Variants in ANTXR1 observed in about 807,000 individuals in gnomAD.
ANTXR1 encodes the protein anthrax toxin receptor 1.
ANTXR1 carries 19 observed loss-of-function variants against 78.1 expected under a neutral mutation model. The observed-to-expected ratio is 0.24, with a 90% confidence interval of 0.17 to 0.36. The LOEUF (loss-of-function observed/expected upper bound fraction) is 0.36, where lower values mean the gene tolerates loss of function less well. ANTXR1 is among the 10% of genes least tolerant of loss of function. The pLI is 1.00. For missense variants in ANTXR1, 518 were observed against 718.6 expected (o/e 0.72, Z 3.19); for synonymous variants, 273 against 260.5 (o/e 1.05, Z -0.46).
chr2:69,186,438 T>C (rs2104468044), intron 16 of ANTXR1, among the ~76,000 whole-genome samples: 1 of 152,348 alleles, frequency 6.6e-6, no homozygotes. Flanking sequence ...ACATTTAGCC[T>C]TATGTGGTAC....
At chr2:69,103,938 ATT>A (rs72060440) in intron 10 of ANTXR1, among the ~76,000 whole-genome samples, 17 of 133,840 alleles carry the variant, frequency 1.3e-4, no homozygotes, top group Admixed American at 3.0e-4. Context: ...CTGATAGCCT[ATT>A]TTTTTTTTTT....
At chr2:69,160,087 C>A (rs1193477232) in intron 13 of ANTXR1, among the ~76,000 whole-genome samples, 4 of 152,194 alleles carry the variant, frequency 2.6e-5, no homozygotes, top group Non-Finnish European at 4.4e-5. Flanking sequence ...ACTGATTGTG[C>A]CTTCTTGATC....
At chr2:69,112,162 G>T (rs1445077274) in intron 10 of ANTXR1, among the ~76,000 whole-genome samples, 2 of 152,168 alleles carry the variant, frequency 1.3e-5, no homozygotes, top group African/African-American at 4.8e-5. Flanking sequence ...TCCGCCAAGT[G>T]ATAGCAGCTA....
At chr2:69,203,967 T>C (rs1674835018) in intron 17 of ANTXR1, among the ~76,000 whole-genome samples, 1 of 152,170 alleles carries the variant, frequency 6.6e-6, no homozygotes, top group African/African-American at 2.4e-5. Flanking sequence ...TCCGACCTCA[T>C]TTTTTCCCTT....
chr2:69,154,835 C>T (rs2104433431), intron 13 of ANTXR1, among the ~76,000 whole-genome samples: 1 of 152,302 alleles, frequency 6.6e-6, no homozygotes, highest in Non-Finnish European at 1.5e-5. Flanking sequence ...GGCCCCCACC[C>T]CCGCTGAGCC....
intron 12 of ANTXR1, among the ~76,000 whole-genome samples, chr2:69,139,647 A>G (rs777265272): frequency 1.3e-4 from 20 of 152,160 alleles, no homozygotes; most frequent in Non-Finnish European, 2.4e-4. Context: ...TAGAGCATCT[A>G]TCTTTTTGAG....
intron 1 of ANTXR1, among the ~76,000 whole-genome samples, chr2:69,020,773 G>T (rs545812328): frequency 1.8e-4 from 28 of 152,308 alleles, no homozygotes; most frequent in African/African-American, 6.7e-4. Context: ...TTTCAGACAC[G>T]TCAGGTTCAT....
chr2:69,209,289 A>G (rs1674982703), intron 17 of ANTXR1, among the ~76,000 whole-genome samples: 1 of 152,224 alleles, frequency 6.6e-6, no homozygotes, highest in African/African-American at 2.4e-5. Flanking sequence ...TTCATGTTTG[A>G]CGAGAGCCAT....
At position 69,090,850 on chromosome 2, in the gene ANTXR1, T is replaced by G. The variant is rs1167375700; in HGVS notation, c.643-9T>G. 36 of 1,612,786 alleles carry G rather than the reference T, an allele frequency of 2.2e-5. No individual in the cohort carries two copies. Among genetic ancestry groups the G allele is most frequent in the Non-Finnish European group, 3.0e-5 (35 of 1,179,928 alleles). On this transcript the variant is annotated splice_polypyrimidine_tract_variant and intron_variant, in intron 8 of 17. Coordinates refer to ENST00000303714, the MANE Select transcript of ANTXR1 (RefSeq NM_032208.3). The stretch of plus-strand genomic sequence containing the variant: ...TGTGCATTGACTCTTTTATTTCCGC[T>G]CCTCCTAGATTTTGAAGAAGTCCTG...
At chr2:69,061,696 G>A (rs1211048733) in intron 3 of ANTXR1, among the ~76,000 whole-genome samples, 1 of 152,172 alleles carries the variant, frequency 6.6e-6, no homozygotes, top group Non-Finnish European at 1.5e-5. Flanking sequence ...GTCATATAGA[G>A]AGATGTGAAT....
intron 12 of ANTXR1, among the ~76,000 whole-genome samples, chr2:69,151,588 C>G (rs1016786754): frequency 2.6e-5 from 4 of 152,200 alleles, no homozygotes; most frequent in Non-Finnish European, 5.9e-5. Flanking sequence ...CATGTAGCCA[C>G]TTGATCTGAC....
At chr2:69,039,090 C>A (rs1008868758) in intron 1 of ANTXR1, among the ~76,000 whole-genome samples, 4 of 152,082 alleles carry the variant, frequency 2.6e-5, no homozygotes, top group African/African-American at 4.8e-5. Flanking sequence ...GTAGAAAGAG[C>A]AAACTCTAAC....
intron 12 of ANTXR1, among the ~76,000 whole-genome samples, chr2:69,151,186 C>CTTTTTTTTTTTT (rs59147668): frequency 1.5e-3 from 124 of 82,564 alleles, no homozygotes; most frequent in Non-Finnish European, 1.6e-3. Context: ...TGATTATTTT[C>CTTTTTTTTTTTT]TTTTTTTTTT....
chr2:69,199,066 A>G (rs938866111), intron 17 of ANTXR1, among the ~76,000 whole-genome samples: 1 of 152,256 alleles, frequency 6.6e-6, no homozygotes, highest in Non-Finnish European at 1.5e-5. Context: ...CTAATGCTCC[A>G]GGTAACTAAT....
intron 12 of ANTXR1, among the ~76,000 whole-genome samples, chr2:69,134,595 C>T (rs1337217043): frequency 2.6e-5 from 4 of 152,268 alleles, no homozygotes; most frequent in Middle Eastern, 3.4e-3. Context: ...GAGGCTGTGA[C>T]TGTAGACCTA....
intron 17 of ANTXR1, among the ~76,000 whole-genome samples, chr2:69,197,130 C>T (rs893201338): frequency 1.3e-5 from 2 of 152,222 alleles, no homozygotes; most frequent in Non-Finnish European, 2.9e-5. Flanking sequence ...CTCATGGTCC[C>T]ATTGTTCCTT....
At position 69,172,570 on chromosome 2, in the gene ANTXR1, G is replaced by T. The variant is rs776659436; in HGVS notation, c.1089+2281G>T. ...TATATGAAATCAAACACTCTCTGCC[G>T]TATATATGAAGACCTTCAGTATTAT... On this transcript the variant is annotated intron_variant, in intron 14 of 17. Transcript: ENST00000303714. The T allele has an allele frequency of 6.7e-6, 9 of 1,336,776 alleles. No individual in the cohort carries two copies. In the South Asian group the frequency reaches 1.9e-4, roughly 28 times the overall value. The allele number at this position is 1,336,776 out of a possible 1,614,324, so 82.8% of individuals were successfully genotyped here. A position where few individuals can be genotyped will look rare whatever the true frequency, so the allele number is the denominator to read the frequency against.
At chr2:69,129,882 T>C (rs1672677310) in intron 12 of ANTXR1, among the ~76,000 whole-genome samples, 2 of 152,078 alleles carry the variant, frequency 1.3e-5, no homozygotes, top group Non-Finnish European at 2.9e-5. Flanking sequence ...CATGGAGAGA[T>C]AACACCTGAG....
chr2:69,185,327 T>TC (rs1197428316), intron 16 of ANTXR1, among the ~76,000 whole-genome samples: 1 of 151,852 alleles, frequency 6.6e-6, no homozygotes, highest in Non-Finnish European at 1.5e-5. Context: ...GATCACAAGG[T>TC]CAGGAGTTTG....
Sources: gnomAD v4.1 joint callset for allele counts (sites outside exome capture counted in the v4.1 genomes callset) on GRCh38, gnomAD v4.1.1 for gene constraint, MANE v1.5 for transcripts, NCBI Gene and HGNC (gene_info 2026-07-23, HGNC 2026-07-21) for gene names.